Variants in TRIM5 observed in about 807,000 individuals in gnomAD.
TRIM5 encodes tripartite motif containing 5, also known as tripartite motif-containing protein 5.
In TRIM5, 31 loss-of-function variants were observed where a neutral mutation model predicts 35.6. The ratio of observed to expected loss-of-function variants is 0.87; its 90% confidence interval spans 0.65 to 1.18. TRIM5 has a LOEUF of 1.18. Ranked by LOEUF, TRIM5 falls within the 50% of genes most tolerant of loss-of-function variation. The probability of loss-of-function intolerance (pLI) is 0.00; values close to 1 mark genes in which losing one functional copy is unlikely to be tolerated. For synonymous variants in TRIM5, 243 were observed against 215.6 expected (o/e 1.13, Z -1.11); for missense variants, 609 against 591.6 (o/e 1.03, Z -0.31).
the TRIM5 span, chr11:5,611,072 T>A: frequency 6.2e-7 from 1 of 1,614,116 alleles, no homozygotes; most frequent in Non-Finnish European, 8.5e-7. Context: ...AGCCTCAGAG[T>A]GGATACTGGG....
chr11:5,667,102 C>T (rs1851198227), intron 5 of TRIM5, among the ~76,000 whole-genome samples: 1 of 152,166 alleles, frequency 6.6e-6, no homozygotes, highest in South Asian at 2.1e-4. Flanking sequence ...AACACTGCAA[C>T]ACCTTCTCCC....
chr11:5,607,798 A>G, the TRIM5 span, among the ~76,000 whole-genome samples: 2 of 152,206 alleles, frequency 1.3e-5, no homozygotes, highest in Admixed American at 6.5e-5. Flanking sequence ...AACATCTTGC[A>G]TTTGAGGTAC....
the TRIM5 span, chr11:5,619,688 A>ATTTTTTTTTTTTTTTTT: frequency 3.0e-5 from 2 of 66,010 alleles, no homozygotes; most frequent in African/African-American, 1.2e-4. Context: ...CCTGTTTTAA[A>ATTTTTTTTTTTTTTTTT]TTTTTTTTTT....
chr11:5,611,404 C>T, the TRIM5 span: 2 of 1,264,850 alleles, frequency 1.6e-6, no homozygotes, highest in East Asian at 2.3e-5. Flanking sequence ...ATGTGATTCT[C>T]CCTTCTGATC....
At chr11:5,610,505 C>G in the TRIM5 span, 74 of 1,613,902 alleles carry the variant, frequency 4.6e-5, no homozygotes, top group Non-Finnish European at 6.2e-5. Context: ...TGGTCCTATT[C>G]AACATTATTG....
the TRIM5 span, chr11:5,632,898 C>T: frequency 8.8e-7 from 1 of 1,138,810 alleles, no homozygotes; most frequent in Non-Finnish European, 1.1e-6. Context: ...GTGCTCTCGG[C>T]TCACTGCAAC....
chr11:5,604,806 CAAATATATCA>C, the TRIM5 span: 1 of 591,876 alleles, frequency 1.7e-6, no homozygotes, highest in South Asian at 2.9e-5. Context: ...AGGTAAATAG[CAAATATATCA>C]AAACTGAACC....
the TRIM5 span, among the ~76,000 whole-genome samples, chr11:5,649,076 A>G: frequency 6.6e-6 from 1 of 152,166 alleles, no homozygotes; most frequent in Non-Finnish European, 1.5e-5. Context: ...CAACATACAC[A>G]TATCTGTACT....
the TRIM5 span, among the ~76,000 whole-genome samples, chr11:5,636,804 T>C: frequency 6.6e-6 from 1 of 152,230 alleles, no homozygotes; most frequent in African/African-American, 2.4e-5. Context: ...TAGGAACTTA[T>C]TCTTTTATCT....
At chr11:5,643,232 T>C in the TRIM5 span, 2 of 1,613,784 alleles carry the variant, frequency 1.2e-6, no homozygotes, top group South Asian at 1.1e-5. Context: ...CAATTTGGCC[T>C]TTTCAGTGTT....
At chr11:5,661,514 C>G (rs1220465272), downstream of TRIM5, among the ~76,000 whole-genome samples, 2 of 152,016 alleles carry the variant, frequency 1.3e-5, no homozygotes, top group African/African-American at 4.8e-5. Flanking sequence ...TTTTTCACAA[C>G]CTCTTTTCTC....
the TRIM5 span, among the ~76,000 whole-genome samples, chr11:5,635,854 G>C: frequency 6.6e-6 from 1 of 151,970 alleles, no homozygotes. Context: ...ACACTCATTA[G>C]TATGGCTATA....
chr11:5,605,162 G>A, the TRIM5 span: 12 of 836,948 alleles, frequency 1.4e-5, no homozygotes, highest in South Asian at 1.9e-4. Context: ...CAGAGCTGAA[G>A]GGAGAAAAGA....
At chr11:5,679,249 G>A in intron 2 of TRIM5, 80 bp from the exon 3 acceptor site, 1 of 1,283,146 alleles carries the variant, frequency 7.8e-7, no homozygotes, top group South Asian at 1.3e-5. Flanking sequence ...AAATAAATCA[G>A]GTTGATCTCA....
the TRIM5 span, among the ~76,000 whole-genome samples, chr11:5,630,494 G>A: frequency 6.6e-6 from 1 of 152,180 alleles, no homozygotes; most frequent in African/African-American, 2.4e-5. Flanking sequence ...CTCATGTGAG[G>A]CCAAGGCCTA....
At chr11:5,639,634 C>T in the TRIM5 span, among the ~76,000 whole-genome samples, 4 of 137,382 alleles carry the variant, frequency 2.9e-5, no homozygotes, top group East Asian at 6.5e-4. Flanking sequence ...GAGCCAAGTT[C>T]GCACCACTGC....
the TRIM5 span, chr11:5,605,488 T>C: frequency 2.5e-6 from 4 of 1,614,160 alleles, no homozygotes; most frequent in Non-Finnish European, 3.4e-6. Flanking sequence ...AATGATCTGG[T>C]CCACCAGACC....
At chr11:5,599,383 A>ATATTTATT in the TRIM5 span, among the ~76,000 whole-genome samples, 11,673 of 146,856 alleles carry the variant, frequency 0.079, 477 homozygotes, top group African/African-American at 0.091. Context: ...TACAATTATT[A>ATATTTATT]TATTTATTTA....
At position 5,679,832 on chromosome 11, in the gene TRIM5, G is replaced by C; in HGVS notation, c.346C>G (p.Leu116Val). Residue 116 changes from leucine to valine, a missense_variant, in exon 2 of 8, where the codon CTT becomes GTT. By Grantham distance (32) the Leu-to-Val change is conservative. Transcript: ENST00000380034. ...CGGTGCTCCTGAGACCGCTCACAAA[G>C]CCAGCAAATGACCTTCCCGTCCTCC... ...CQEDGKVICW[L>V]CERSQEHRGH... The C allele has an allele frequency of 1.2e-6, 2 of 1,613,414 alleles. No individual in the cohort carries two copies. Among genetic ancestry groups the C allele is most frequent in the Non-Finnish European group, 1.7e-6 (2 of 1,179,874 alleles).
Sources: allele counts gnomAD v4.1 joint callset (sites outside exome capture counted in the v4.1 genomes callset), GRCh38; gene constraint gnomAD v4.1.1; transcripts MANE v1.5; gene names NCBI Gene and HGNC (gene_info 2026-07-23, HGNC 2026-07-21).